Variants in DTNBP1 observed in about 807,000 individuals in gnomAD.
The protein encoded by DTNBP1 is dystrobrevin binding protein 1.
In DTNBP1, 35 loss-of-function variants were observed where a neutral mutation model predicts 42.8. That is an observed-to-expected ratio of 0.82 (90% CI 0.63 to 1.09). The LOEUF (loss-of-function observed/expected upper bound fraction) is 1.09, where lower values mean the gene tolerates loss of function less well. DTNBP1 is among the 50% of genes least tolerant of loss of function. DTNBP1 has a pLI of 0.00. For missense variants in DTNBP1, 457 were observed against 424.2 expected, an observed-to-expected ratio of 1.08 and a Z score of -0.68; for synonymous variants, 171 against 162.2, an observed-to-expected ratio of 1.05 and a Z score of -0.41.
chr6:15,553,291 G>A (rs1235017988), intron 7 of DTNBP1, among the ~76,000 whole-genome samples: 3 of 151,906 alleles, frequency 2.0e-5, no homozygotes, highest in South Asian at 2.1e-4. Context: ...GAGGGGCAGA[G>A]GGAACAGAAA....
rs372800513 is a variant in DTNBP1 at position 15,524,628 on chromosome 6, T to G, written c.709A>C (p.Met237Leu). Residue 237 changes from methionine (M) to leucine (L), a missense_variant, in exon 9 of 10, where the codon ATG becomes CTG. Physicochemically the swap from Met to Leu is conservative, Grantham distance 15. Transcript: ENST00000344537. Reference sequence around the variant, plus strand: ...TCCATCAGGTCCATCTGCTCCAGCATGTCCACGTTCACTTCCATGGATGAC... The same window carrying G: ...TCCATCAGGTCCATCTGCTCCAGCAGGTCCACGTTCACTTCCATGGATGAC... ...SMSSMEVNVDMLEQMDLMDIS... is the reference protein window; with the variant it reads ...SMSSMEVNVDLLEQMDLMDIS... 6.2e-7 allele frequency: 1 copy of G among 1,613,796 alleles called. No homozygotes were observed. Among genetic ancestry groups the G allele is most frequent in the African/African-American group, 1.3e-5 (1 of 74,930 alleles).
intron 1 of DTNBP1, 56 bp downstream of exon 1, chr6:15,662,757 TC>T: frequency 2.5e-6 from 4 of 1,606,796 alleles, no homozygotes; most frequent in Non-Finnish European, 3.4e-6. Context: ...GGCAGGGGCA[TC>T]CCAGGCGGCG....
At chr6:15,641,046 A>ACACAGAGT (rs1760316713) in intron 3 of DTNBP1, among the ~76,000 whole-genome samples, 1 of 152,212 alleles carries the variant, frequency 6.6e-6, no homozygotes, top group Non-Finnish European at 1.5e-5. Flanking sequence ...AGAGGCAGCT[A>ACACAGAGT]CTGTTGCAAA....
At chr6:15,597,404 G>A (rs1776558152) in intron 6 of DTNBP1, among the ~76,000 whole-genome samples, 1 of 152,148 alleles carries the variant, frequency 6.6e-6, no homozygotes, top group Non-Finnish European at 1.5e-5. Flanking sequence ...TTACTCTTAA[G>A]CATTAAGACA....
At chr6:15,651,248 A>T in intron 3 of DTNBP1, 65 bp downstream of exon 3, 1 of 1,445,310 alleles carries the variant, frequency 6.9e-7, no homozygotes, top group Non-Finnish European at 9.7e-7. Context: ...CTACAAAATT[A>T]AAAGATATTT....
chr6:15,612,510 T>G (rs973993949), intron 6 of DTNBP1, among the ~76,000 whole-genome samples: 4 of 152,242 alleles, frequency 2.6e-5, no homozygotes, highest in Non-Finnish European at 4.4e-5. Flanking sequence ...CTTTTTGTAT[T>G]ATGTAGCTAA....
intron 5 of DTNBP1, among the ~76,000 whole-genome samples, chr6:15,616,977 A>AC (rs1315282770): frequency 6.6e-6 from 1 of 152,214 alleles, no homozygotes; most frequent in African/African-American, 2.4e-5. Flanking sequence ...CTATACAACA[A>AC]CAATGAAATT....
intron 6 of DTNBP1, among the ~76,000 whole-genome samples, chr6:15,599,942 T>C (rs115996344): frequency 0.013 from 1,929 of 152,306 alleles, 40 homozygotes; most frequent in African/African-American, 0.043. Context: ...ACCAAATCAA[T>C]GGTTTGTCAT....
At chr6:15,611,013 T>C (rs960538226) in intron 6 of DTNBP1, among the ~76,000 whole-genome samples, 8 of 152,212 alleles carry the variant, frequency 5.3e-5, no homozygotes, top group East Asian at 1.9e-4. Context: ...ACAGACAAAA[T>C]AGACTTTTAT....
intron 3 of DTNBP1, 51 bp downstream of exon 3, chr6:15,651,262 G>A (rs777542421): frequency 6.5e-7 from 1 of 1,529,942 alleles, no homozygotes; most frequent in African/African-American, 1.4e-5. Context: ...GATATTTTTG[G>A]TCAGTAAAAA....
rs187539115 is a variant in DTNBP1 at position 15,628,113 on chromosome 6, C to T, written c.223-638G>A. Reference sequence around the variant, plus strand: ...AATTCTAGAATAGCCTAAGATAATTCTAACTTCTTTTGCTAAAGACTATAA... The same window carrying T: ...AATTCTAGAATAGCCTAAGATAATTTTAACTTCTTTTGCTAAAGACTATAA... On this transcript the variant is annotated intron_variant, in intron 4 of 9. Coordinates refer to ENST00000344537, the MANE Select transcript of DTNBP1 (RefSeq NM_032122.5). 2.2e-3 allele frequency among the ~76,000 whole-genome samples: 335 copies of T among 152,252 alleles called. 1 individual carries two copies. The highest frequency in any genetic ancestry group is 7.8e-3 in the African/African-American group (325 of 41,560).
intron 6 of DTNBP1, among the ~76,000 whole-genome samples, chr6:15,610,057 A>T (rs556360181): frequency 3.7e-4 from 56 of 152,280 alleles, no homozygotes; most frequent in African/African-American, 1.3e-3. Context: ...CTCTGTTTTC[A>T]ATACATTTGT....
chr6:15,560,427 TTCTC>T (rs1282583200), intron 7 of DTNBP1, among the ~76,000 whole-genome samples: 29 of 152,368 alleles, frequency 1.9e-4, no homozygotes, highest in Non-Finnish European at 2.9e-4. Context: ...GCATATTTCT[TTCTC>T]TCTATCTGAT....
chr6:15,580,472 A>G (rs928201890), intron 7 of DTNBP1, among the ~76,000 whole-genome samples: 13 of 152,260 alleles, frequency 8.5e-5, no homozygotes, highest in African/African-American at 3.1e-4. Context: ...ATTACAGCAC[A>G]AGTTATGCTT....
chr6:15,584,713 T>C (rs1047568097), intron 7 of DTNBP1, among the ~76,000 whole-genome samples: 1 of 145,294 alleles, frequency 6.9e-6, no homozygotes, highest in Non-Finnish European at 1.5e-5. Context: ...TTCTTTTTTT[T>C]TTTTTTTTTT....
At chr6:15,631,160 A>T (rs548805713) in intron 4 of DTNBP1, among the ~76,000 whole-genome samples, 18 of 152,338 alleles carry the variant, frequency 1.2e-4, no homozygotes, top group Middle Eastern at 3.4e-3. Flanking sequence ...ACAAAATGAC[A>T]AGTTTAATAC....
At chr6:15,619,994 G>C (rs138735178) in intron 5 of DTNBP1, among the ~76,000 whole-genome samples, 112 of 151,778 alleles carry the variant, frequency 7.4e-4, no homozygotes, top group Admixed American at 2.0e-3. Flanking sequence ...CTCTCTGCTA[G>C]GGTGTAAGGC....
intron 9 of DTNBP1, chr6:15,524,262 G>A (rs1438120372): frequency 3.7e-6 from 6 of 1,601,072 alleles, no homozygotes; most frequent in South Asian, 2.2e-5. Flanking sequence ...GTAAAGGAGG[G>A]AAAACAAACA....
chr6:15,522,842 T>TAAG lies in DTNBP1; in HGVS notation c.*130_*132dup. ...TCACACTTTATTGTTAGCTGTTCTTTAAGTTTCTCACACATTATTGGCAAT... is the reference window on the plus strand; with the variant it reads ...TCACACTTTATTGTTAGCTGTTCTTTAAGAAGTTTCTCACACATTATTGGCAAT... On this transcript the variant is annotated 3_prime_UTR_variant, in exon 10 of 10. Transcript: ENST00000344537. 6.7e-7 allele frequency: 1 copy of TAAG among 1,495,720 alleles called. No individual in the cohort carries two copies. Among genetic ancestry groups the TAAG allele is most frequent in the East Asian group, 2.3e-5 (1 of 44,318 alleles). 92.7% of individuals were successfully genotyped at this position (1,495,720 alleles called of 1,614,324 possible).
Sources: gnomAD v4.1 joint callset for allele counts (sites outside exome capture counted in the v4.1 genomes callset) on GRCh38, gnomAD v4.1.1 for gene constraint, MANE v1.5 for transcripts, NCBI Gene and HGNC (gene_info 2026-07-23, HGNC 2026-07-21) for gene names.